Variants in SLC35D1 observed in about 807,000 individuals in gnomAD.
The protein encoded by SLC35D1 is nucleotide sugar transporter SLC35D1.
SLC35D1 carries 31 observed loss-of-function variants against 46.7 expected under a neutral mutation model. That is an observed-to-expected ratio of 0.66 (90% CI 0.50 to 0.90). The LOEUF is 0.90. Among genes scored for constraint, SLC35D1 ranks in the 40% least tolerant of loss-of-function variants. SLC35D1 has a pLI of 0.00. For missense variants in SLC35D1, 397 were observed against 426.2 expected (o/e 0.93, Z 0.60); for synonymous variants, 195 against 164.6 (o/e 1.18, Z -1.41).
intron 7 of SLC35D1, among the ~76,000 whole-genome samples, chr1:67,045,511 A>G (rs1355174386): frequency 6.6e-6 from 1 of 152,146 alleles, no homozygotes; most frequent in Non-Finnish European, 1.5e-5. Flanking sequence ...ATAGAATTCT[A>G]CCTTCTAGTT....
the SLC35D1 span, chr1:66,984,724 C>T: frequency 1.2e-6 from 2 of 1,613,880 alleles, no homozygotes; most frequent in Non-Finnish European, 1.7e-6. Context: ...TACCACTGAC[C>T]CAAAACTTGC....
In SLC35D1 at chr1:66,999,927, T is replaced by C. The variant is rs1667297095; in HGVS notation, c.*4413A>G. On this transcript the variant is annotated 3_prime_UTR_variant, in exon 12 of 12. Coordinates refer to ENST00000235345, the MANE Select transcript of SLC35D1 (RefSeq NM_015139.3). ...ATCTAAAGGTAAAAACTGAGAAAGA[T>C]TTAACTGAATTGACATTCTAAAATG... is the stretch of plus-strand genomic sequence containing the variant. 6.6e-6 allele frequency: 1 copy of C among 152,100 alleles called. No individual in the cohort carries two copies. The highest frequency in any genetic ancestry group is 2.4e-5 in the African/African-American group (1 of 41,418). 9.4% of individuals were successfully genotyped at this position (152,100 alleles called of 1,614,324 possible).
chr1:66,997,697 T>G (rs1667257192), downstream of SLC35D1, among the ~76,000 whole-genome samples: 1 of 62,032 alleles, frequency 1.6e-5, no homozygotes, highest in African/African-American at 1.9e-4. Context: ...ATATTCAAGA[T>G]CTAAAGACAT....
chr1:66,976,512 T>C, the SLC35D1 span: 1 of 1,404,046 alleles, frequency 7.1e-7, no homozygotes, highest in East Asian at 2.4e-5. Flanking sequence ...ACTAGCCAAA[T>C]TTATTTTCAA....
At chr1:66,986,613 G>A in the SLC35D1 span, 14 of 678,290 alleles carry the variant, frequency 2.1e-5, no homozygotes, top group Middle Eastern at 1.0e-3. Flanking sequence ...CTTCACCAAT[G>A]TGAACAACTT....
the SLC35D1 span, among the ~76,000 whole-genome samples, chr1:66,984,369 T>C: frequency 2.0e-5 from 3 of 152,342 alleles, no homozygotes; most frequent in Admixed American, 6.5e-5. Context: ...TGATCTTCAT[T>C]GTATATATGT....
At chr1:66,989,873 A>C in the SLC35D1 span, among the ~76,000 whole-genome samples, 1 of 152,218 alleles carries the variant, frequency 6.6e-6, no homozygotes, top group Non-Finnish European at 1.5e-5. Context: ...AGCCACTTTA[A>C]ATTCTTGACC....
At chr1:67,025,108 G>T (rs143923149) in intron 8 of SLC35D1, among the ~76,000 whole-genome samples, 1 of 151,972 alleles carries the variant, frequency 6.6e-6, no homozygotes, top group Non-Finnish European at 1.5e-5. Context: ...CCCTACTCCC[G>T]TATGACCTGA....
At chr1:67,027,334 A>T (rs1201039509) in intron 8 of SLC35D1, among the ~76,000 whole-genome samples, 2 of 152,126 alleles carry the variant, frequency 1.3e-5, no homozygotes, top group Non-Finnish European at 2.9e-5. Context: ...TTTAAAAAAA[A>T]TCTTAGCTTT....
chr1:67,040,687 GCTAAGCAC>G, intron 8 of SLC35D1, among the ~76,000 whole-genome samples: 1 of 152,182 alleles, frequency 6.6e-6, no homozygotes, highest in Admixed American at 6.5e-5. Flanking sequence ...TTTAAAAAAT[GCTAAGCAC>G]TCTCACCTCA....
chr1:67,015,835 A>C (rs1030015874), intron 10 of SLC35D1, among the ~76,000 whole-genome samples: 15 of 152,238 alleles, frequency 9.9e-5, no homozygotes, highest in African/African-American at 3.4e-4. Context: ...ATTATGTCTT[A>C]TAAGTCTCTA....
chr1:67,053,724 G>T, intron 1 of SLC35D1, 87 bp downstream of exon 1: 1 of 1,244,692 alleles, frequency 8.0e-7, no homozygotes, highest in Non-Finnish European at 1.0e-6. Flanking sequence ...TTTAACTTTG[G>T]CAGTCAAAGT....
At chr1:67,040,755 G>C (rs1390890331) in intron 8 of SLC35D1, among the ~76,000 whole-genome samples, 1 of 152,158 alleles carries the variant, frequency 6.6e-6, no homozygotes, top group Non-Finnish European at 1.5e-5. Context: ...CCTCCAAAGG[G>C]CCATACAAAT....
At position 67,054,145 on chromosome 1, in the gene SLC35D1, G is replaced by T. The variant is rs1250070659; in HGVS notation, c.-132C>A. 3.5e-6 allele frequency: 3 copies of T among 846,768 alleles called. No individual in the cohort carries two copies. Among genetic ancestry groups the T allele is most frequent in the Non-Finnish European group, 3.5e-6 (2 of 565,218 alleles). 52.5% of individuals were successfully genotyped at this position (846,768 alleles called of 1,614,324 possible). On this transcript the variant is annotated 5_prime_UTR_variant, in exon 1 of 12. Coordinates refer to ENST00000235345, the MANE Select transcript of SLC35D1 (RefSeq NM_015139.3). ...TGCGCGCTCGCCGCCTCGACTCCCC[G>T]CTTGGCCGCCGCCTGTCCCCGCCCA...
intron 11 of SLC35D1, chr1:67,008,338 C>T: frequency 3.1e-6 from 3 of 970,624 alleles, no homozygotes; most frequent in Non-Finnish European, 4.2e-6. Flanking sequence ...GGGGTATCAC[C>T]ATGTTGGCCA....
chr1:67,016,854 ACTT>A (rs1209130528), intron 10 of SLC35D1, among the ~76,000 whole-genome samples: 1 of 152,196 alleles, frequency 6.6e-6, no homozygotes, highest in Admixed American at 6.5e-5. Flanking sequence ...TGACCAGACT[ACTT>A]GAAGAAATTA....
At chr1:67,019,694 AGC>A (rs2102275723) in intron 10 of SLC35D1, among the ~76,000 whole-genome samples, 1 of 152,326 alleles carries the variant, frequency 6.6e-6, no homozygotes, top group African/African-American at 2.4e-5. Context: ...TTTTTAAGGA[AGC>A]AGGCCCACTT....
intron 6 of SLC35D1, among the ~76,000 whole-genome samples, chr1:67,048,117 A>T (rs886725247): frequency 6.6e-6 from 1 of 152,262 alleles, no homozygotes; most frequent in Non-Finnish European, 1.5e-5. Flanking sequence ...AGGAGCCAAG[A>T]CTTATCTAAT....
the SLC35D1 span, chr1:66,988,604 A>G: frequency 0.076 from 11,573 of 152,362 alleles, 554 homozygotes; most frequent in African/African-American, 0.13. Flanking sequence ...TGTAATTAAA[A>G]TGTCATTTTG....
Sources: gnomAD v4.1 joint callset for allele counts (sites outside exome capture counted in the v4.1 genomes callset) on GRCh38, gnomAD v4.1.1 for gene constraint, MANE v1.5 for transcripts, NCBI Gene and HGNC (gene_info 2026-07-23, HGNC 2026-07-21) for gene names.